The following LRRK1 variants were observed in gnomAD, a reference collection of about 807,000 sequenced individuals.
The protein encoded by LRRK1 is leucine rich repeat kinase 1.
In LRRK1, 113 loss-of-function variants were observed where a neutral mutation model predicts 209.1. The observed-to-expected ratio is 0.54, with a 90% CI of 0.46 to 0.63. The LOEUF (loss-of-function observed/expected upper bound fraction) is 0.63. Ranked by LOEUF, LRRK1 falls within the 30% of genes least tolerant of loss-of-function variation. The pLI is 0.00. For synonymous variants in LRRK1, 1,144 were observed against 1,099.7 expected, an observed-to-expected ratio of 1.04 and a Z score of -0.80; for missense variants, 2,284 against 2,632.2, an observed-to-expected ratio of 0.87 and a Z score of 2.89.
At chr15:101,029,681 A>G (rs2034198843) in intron 20 of LRRK1, among the ~76,000 whole-genome samples, 1 of 152,114 alleles carries the variant, frequency 6.6e-6, no homozygotes, top group Admixed American at 6.5e-5. Context: ...CAGCTTGACC[A>G]ACATGGTGAA....
chr15:100,993,374 A>AAG (rs2032250768), intron 6 of LRRK1, among the ~76,000 whole-genome samples: 1 of 152,234 alleles, frequency 6.6e-6, no homozygotes, highest in Non-Finnish European at 1.5e-5. Flanking sequence ...ACAAGTGTAC[A>AAG]TACATCCATC....
In LRRK1 at chr15:101,024,743, G is replaced by T. The variant is rs753517472; in HGVS notation, c.2068-60G>T. 4 of 1,557,626 alleles carry T rather than the reference G, an allele frequency of 2.6e-6. No individual in the cohort carries two copies. The highest frequency in any genetic ancestry group is 3.4e-4 in the Middle Eastern group (2 of 5,836). On this transcript the variant is annotated intron_variant, in intron 15 of 33. Transcript: ENST00000388948. This position sits in a 1 kb window ranked among gnomAD's most constrained non-coding sequence, Gnocchi z 4.6. ...CCAGAGTTATCCGTTGTCTCCGTTT[G>T]ATTGACTGAAGCCTTTGTCTCTAAA...
chr15:100,931,744 A>T (rs1337438984), intron 2 of LRRK1, among the ~76,000 whole-genome samples: 2 of 152,142 alleles, frequency 1.3e-5, no homozygotes, highest in Non-Finnish European at 2.9e-5. Context: ...TCTCTGTGCA[A>T]CCTTCACCAG....
intron 2 of LRRK1, among the ~76,000 whole-genome samples, chr15:100,957,295 G>A (rs1335357877): frequency 1.3e-5 from 2 of 152,170 alleles, no homozygotes; most frequent in Admixed American, 1.3e-4. Context: ...TTCTGCATAT[G>A]TCTGTTAGGT....
At chr15:100,941,464 CTGTGTGTG>C (rs763355554) in intron 2 of LRRK1, among the ~76,000 whole-genome samples, 1 of 88,740 alleles carries the variant, frequency 1.1e-5, no homozygotes, top group African/African-American at 5.1e-5. Context: ...GTCTATGTCT[CTGTGTGTG>C]TGTGTGTGTG....
chr15:100,924,948 T>C (rs1419037981), intron 2 of LRRK1, among the ~76,000 whole-genome samples: 1 of 152,146 alleles, frequency 6.6e-6, no homozygotes, highest in Non-Finnish European at 1.5e-5. Context: ...ATCTTAACAA[T>C]TGGGACATCA....
At position 101,077,046 on chromosome 15, in the gene LRRK1, G is replaced by A. The variant is rs1169497360; in HGVS notation, c.*8198G>A. 5 of 152,160 alleles carry A rather than the reference G, an allele frequency of 3.3e-5. No homozygotes were observed. The highest frequency in any genetic ancestry group is 9.7e-5 in the African/African-American group (4 of 41,418). 9.4% of individuals were successfully genotyped at this position (152,160 alleles called of 1,614,324 possible). On this transcript the variant is annotated 3_prime_UTR_variant, in exon 34 of 34. Coordinates refer to ENST00000388948, the MANE Select transcript of LRRK1 (RefSeq NM_024652.6). ...CTTACAGTCCTCAGCCTTCAGGAAA[G>A]GTAGAACGGACTAATGATCTTTTAA...
intron 33 of LRRK1, among the ~76,000 whole-genome samples, chr15:101,068,003 G>C (rs1278363634): frequency 6.6e-6 from 1 of 152,172 alleles, no homozygotes; most frequent in Non-Finnish European, 1.5e-5. Context: ...CCAGTTTGCA[G>C]GAGCACCTCA....
chr15:100,947,785 G>A (rs576136676), intron 2 of LRRK1, among the ~76,000 whole-genome samples: 1 of 152,118 alleles, frequency 6.6e-6, no homozygotes, highest in Non-Finnish European at 1.5e-5. Context: ...ATGTGCCTAT[G>A]CAGAAGAACT....
In LRRK1 at chr15:100,924,550, C is replaced by T. The variant is rs555016757; in HGVS notation, c.-83C>T. 30 of 1,212,318 alleles carry T rather than the reference C, an allele frequency of 2.5e-5. No homozygotes were observed. Among genetic ancestry groups the T allele is most frequent in the African/African-American group, 1.3e-4 (9 of 67,044 alleles). 75.1% of individuals were successfully genotyped at this position (1,212,318 alleles called of 1,614,324 possible). Reference sequence around the variant, plus strand: ...CTGCTCAGCCATGGCTACGAGTCCACGCCTTAATGCACCCCACAGCCAGCG... The same window carrying T: ...CTGCTCAGCCATGGCTACGAGTCCATGCCTTAATGCACCCCACAGCCAGCG... On this transcript the variant is annotated 5_prime_UTR_variant, in exon 2 of 34. It adds an upstream start codon to the 5' untranslated region. Coordinates refer to ENST00000388948, the MANE Select transcript of LRRK1 (RefSeq NM_024652.6).
At position 100,988,741 on chromosome 15, in the gene LRRK1, G is replaced by C. The variant is rs761442314; in HGVS notation, c.541G>C (p.Glu181Gln). Residue 181 changes from glutamate (E) to glutamine (Q), a missense_variant, in exon 5 of 34, where the codon GAG becomes CAG. Physicochemically the swap from Glu to Gln is conservative, Grantham distance 29 (BLOSUM62 2). Coordinates refer to ENST00000388948, the MANE Select transcript of LRRK1 (RefSeq NM_024652.6). ...GGTCCTGACGCACGGGGCTGACCCGGAGAGCTACGCTGTCAGGAAGAATGA... is the reference window on the plus strand; with the variant it reads ...GGTCCTGACGCACGGGGCTGACCCGCAGAGCTACGCTGTCAGGAAGAATGA... The part of the protein sequence containing the change: ...LLVLTHGADP[E>Q]SYAVRKNEFP... 35 of 1,614,024 alleles carry C rather than the reference G, an allele frequency of 2.2e-5. No homozygotes were observed. Among genetic ancestry groups the C allele is most frequent in the Non-Finnish European group, 2.9e-5 (34 of 1,179,990 alleles).
chr15:100,978,103 A>G (rs976722900), intron 3 of LRRK1, among the ~76,000 whole-genome samples: 1 of 152,218 alleles, frequency 6.6e-6, no homozygotes, highest in Non-Finnish European at 1.5e-5. Flanking sequence ...AAAAAAACTC[A>G]ATGAATGGGC....
At position 100,979,471 on chromosome 15, in the gene LRRK1, G is replaced by A. The variant is rs1478668963; in HGVS notation, c.262-4057G>A. Among the ~76,000 whole-genome samples the A allele has an allele frequency of 2.6e-5, 4 of 152,080 alleles. No individual in the cohort carries two copies. In the East Asian group the frequency reaches 7.7e-4, roughly 29 times the overall value. On this transcript the variant is annotated intron_variant, in intron 3 of 33. Transcript: ENST00000388948. ...AGAAGGCAAGGAAATGAAATAAAAG[G>A]CACACAGATATGAAAGAAATAAATT...
In LRRK1 at chr15:101,005,676, G is replaced by C. The variant is rs775622708; in HGVS notation, c.763-3161G>C. 3.0e-4 allele frequency among the ~76,000 whole-genome samples: 46 copies of C among 152,174 alleles called. 3 individuals carry two copies. The highest frequency in any genetic ancestry group is 4.4e-5 in the Non-Finnish European group (3 of 68,032). On this transcript the variant is annotated intron_variant, in intron 6 of 33. Transcript: ENST00000388948. ...GGAGACTGGAAGATCTTGTTTTGCC[G>C]GGAAGTAAGGAGGCGTCCCAAAATT...
chr15:100,940,215 C>T (rs1596170666), intron 2 of LRRK1, among the ~76,000 whole-genome samples: 1 of 152,168 alleles, frequency 6.6e-6, no homozygotes, highest in East Asian at 1.9e-4. Context: ...CTCTCTCTCT[C>T]TCTCTCATTT....
At chr15:100,956,088 G>A (rs1386020550) in intron 2 of LRRK1, among the ~76,000 whole-genome samples, 3 of 152,162 alleles carry the variant, frequency 2.0e-5, no homozygotes, top group Non-Finnish European at 4.4e-5. Flanking sequence ...ACGTTTGGTA[G>A]AATTCACCTG....
chr15:101,066,013 T>C lies in LRRK1; in HGVS notation c.5576T>C (p.Leu1859Pro). 6.2e-7 allele frequency: 1 copy of C among 1,613,874 alleles called. No individual in the cohort carries two copies. Among genetic ancestry groups the C allele is most frequent in the Non-Finnish European group, 8.5e-7 (1 of 1,179,948 alleles). ...CAGGCTGCCAGGTCCCCCTCAAGCC[T>C]CCCCAGCTCCCCAGCAAGTTCTTCC... is the stretch of plus-strand genomic sequence containing the variant. Reference protein sequence around the residue: ...PRQAARSPSSLPSSPASSSSV... With the variant: ...PRQAARSPSSPPSSPASSSSV... The change falls in exon 32 of 34, where the codon CTC (leucine) becomes CCC (proline). Residue 1859 changes from leucine (L) to proline (P), a missense_variant. Coordinates refer to ENST00000388948, the MANE Select transcript of LRRK1 (RefSeq NM_024652.6).
At chr15:101,047,460 G>A (rs2035147452) in intron 21 of LRRK1, among the ~76,000 whole-genome samples, 1 of 152,262 alleles carries the variant, frequency 6.6e-6, no homozygotes, top group African/African-American at 2.4e-5. Flanking sequence ...CATCGTGGGA[G>A]GCTGAGCTGA....
intron 17 of LRRK1, 48 bp downstream of exon 17, chr15:101,026,185 C>G (rs772082185): frequency 5.7e-6 from 9 of 1,565,876 alleles, no homozygotes; most frequent in Non-Finnish European, 7.9e-6. Flanking sequence ...GGGTGCCAGT[C>G]GCTGATCTTT....
Sources: gnomAD v4.1 joint callset for allele counts (sites outside exome capture counted in the v4.1 genomes callset) on GRCh38, gnomAD v4.1.1 for gene constraint, Gnocchi (gnomAD v3.1) non-coding constraint, MANE v1.5 for transcripts, NCBI Gene and HGNC (gene_info 2026-07-23, HGNC 2026-07-21) for gene names.